DLGAP2: variants seen among roughly 807,000 people sequenced by gnomAD.
The protein encoded by DLGAP2 is disks large-associated protein 2.
A neutral mutation model predicts 100.3 loss-of-function variants in DLGAP2; 26 were observed. That is an observed-to-expected ratio of 0.26 (90% CI 0.19 to 0.36). The LOEUF (loss-of-function observed/expected upper bound fraction) is 0.36. Among genes scored for constraint, DLGAP2 ranks in the 10% least tolerant of loss-of-function variants. The pLI, the probability that DLGAP2 is intolerant of heterozygous loss-of-function variation, is 1.00. For missense variants in DLGAP2, 1,858 were observed against 1,453.2 expected, an observed-to-expected ratio of 1.28 and a Z score of -4.53; for synonymous variants, 886 against 630.1, an observed-to-expected ratio of 1.41 and a Z score of -6.08.
chr8:1,153,953 T>C (rs1276726920), intron 2 of DLGAP2, among the ~76,000 whole-genome samples: 4 of 152,196 alleles, frequency 2.6e-5, no homozygotes, highest in African/African-American at 9.6e-5. Context: ...GGGGGTTTCA[T>C]GTTTGCAGTG....
chr8:1,213,455 A>G (rs189823001), intron 2 of DLGAP2, among the ~76,000 whole-genome samples: 2 of 152,296 alleles, frequency 1.3e-5, no homozygotes, highest in African/African-American at 2.4e-5. Context: ...AATGTCCTTA[A>G]TGTCCCAGAG....
intron 3 of DLGAP2, among the ~76,000 whole-genome samples, chr8:1,475,045 C>A (rs186816793): frequency 6.5e-4 from 99 of 152,320 alleles, no homozygotes; most frequent in African/African-American, 2.3e-3. Context: ...GAATACTACG[C>A]AGCCATCAGG....
chr8:1,129,295 C>T (rs1363796719), intron 2 of DLGAP2, among the ~76,000 whole-genome samples: 3 of 150,804 alleles, frequency 2.0e-5, no homozygotes, highest in Admixed American at 1.3e-4. Context: ...CCCAGCTGCT[C>T]GGGAGGCTGA....
chr8:1,218,696 A>G (rs937423661), intron 2 of DLGAP2, among the ~76,000 whole-genome samples: 21 of 152,274 alleles, frequency 1.4e-4, no homozygotes, highest in African/African-American at 4.8e-4. Flanking sequence ...TAGGAATAGC[A>G]TTGAATCTGT....
intron 10 of DLGAP2, among the ~76,000 whole-genome samples, chr8:1,675,664 G>A (rs568193095): frequency 2.0e-5 from 3 of 152,112 alleles, no homozygotes; most frequent in Non-Finnish European, 2.9e-5. Context: ...TTTTAAGAAG[G>A]GAGAGATTTT....
rs77567247 is a variant in DLGAP2, at chr8:1,174,824, C to G, written c.74-84027C>G. 8.6e-3 allele frequency among the ~76,000 whole-genome samples: 1,307 copies of G among 152,216 alleles called. 12 individuals are homozygous for G. The highest frequency in any genetic ancestry group is 0.012 in the Non-Finnish European group (844 of 68,024). On this transcript the variant is annotated intron_variant, in intron 2 of 14. Coordinates refer to ENST00000637795, the MANE Select transcript of DLGAP2 (RefSeq NM_001346810.2). ...ACCTCCATCATTACCATCATCTAGA[C>G]TATAGCAGCTGAGTTCTGTTTATCT...
chr8:1,289,660 G>A (rs1481661434), intron 3 of DLGAP2, among the ~76,000 whole-genome samples: 1 of 152,126 alleles, frequency 6.6e-6, no homozygotes, highest in Non-Finnish European at 1.5e-5. Flanking sequence ...CCTTTGAGAT[G>A]GATGGTGAAG....
chr8:1,194,107 C>G (rs17065771), intron 2 of DLGAP2, among the ~76,000 whole-genome samples: 1 of 151,628 alleles, frequency 6.6e-6, no homozygotes, highest in East Asian at 2.0e-4. Flanking sequence ...CCAGTTTTGA[C>G]GCTGTGGAAA....
rs903957451 is a variant in DLGAP2 at position 1,126,497 on chromosome 8, T to A, written c.74-132354T>A. On this transcript the variant is annotated intron_variant, in intron 2 of 14. Transcript: ENST00000637795. ...AGGCAAGGCAGGTGAGGGGCTGGGATCTCTCATCGTGCTGTGCGTGGACAG... is the reference window on the plus strand; with the variant it reads ...AGGCAAGGCAGGTGAGGGGCTGGGAACTCTCATCGTGCTGTGCGTGGACAG... Among the ~76,000 whole-genome samples the A allele has an allele frequency of 2.0e-5, 3 of 151,312 alleles. No homozygotes were observed. The South Asian group carries it at 6.3e-4, about 32-fold the overall frequency.
At chr8:986,905 C>G in intron 2 of DLGAP2, among the ~76,000 whole-genome samples, 1 of 152,116 alleles carries the variant, frequency 6.6e-6, no homozygotes, top group East Asian at 1.9e-4. Flanking sequence ...AGTGATCCAC[C>G]CGTCTCGACC....
At chr8:1,011,691 G>A (rs898136786) in intron 2 of DLGAP2, among the ~76,000 whole-genome samples, 1 of 150,496 alleles carries the variant, frequency 6.6e-6, no homozygotes. Flanking sequence ...TATAGAGTGA[G>A]CCCTGGAATG....
At chr8:1,286,589 C>G (rs958060389) in intron 3 of DLGAP2, among the ~76,000 whole-genome samples, 4 of 152,166 alleles carry the variant, frequency 2.6e-5, no homozygotes, top group African/African-American at 7.2e-5. Context: ...CTCTCCATGC[C>G]CATACCCTCC....
In DLGAP2 at chr8:893,719, C is replaced by T. The variant is rs575389014; in HGVS notation, c.19-14193C>T. Among the ~76,000 whole-genome samples, 6 of 152,344 alleles carry T rather than the reference C, an allele frequency of 3.9e-5. No homozygotes were observed. The South Asian group carries it at 8.3e-4, about 21-fold the overall frequency. On this transcript the variant is annotated intron_variant, in intron 1 of 14. Coordinates refer to ENST00000637795, the MANE Select transcript of DLGAP2 (RefSeq NM_001346810.2). ...CAGGTCTATCCAGGACTCTGTTAAC[C>T]GTCGTTCTTTTGGAAAATGTTTGCA...
At chr8:1,007,293 G>T (rs558117785) in intron 2 of DLGAP2, among the ~76,000 whole-genome samples, 1 of 152,326 alleles carries the variant, frequency 6.6e-6, no homozygotes, top group South Asian at 2.1e-4. Flanking sequence ...TTTCCTGGAG[G>T]GGTTTGCTGG....
At chr8:1,339,249 C>T (rs1282043303) in intron 3 of DLGAP2, among the ~76,000 whole-genome samples, 2 of 151,004 alleles carry the variant, frequency 1.3e-5, no homozygotes, top group African/African-American at 4.9e-5. Context: ...AATGCAGTGA[C>T]CTCAGCGAGG....
At chr8:740,525 T>A (rs1193148466) in intron 1 of DLGAP2, among the ~76,000 whole-genome samples, 1 of 152,240 alleles carries the variant, frequency 6.6e-6, no homozygotes, top group Non-Finnish European at 1.5e-5. Flanking sequence ...GTCTACTTAT[T>A]TCAGTTTTGA....
chr8:1,458,147 C>T (rs574405144), intron 3 of DLGAP2, among the ~76,000 whole-genome samples: 14 of 151,426 alleles, frequency 9.2e-5, no homozygotes, highest in African/African-American at 3.4e-4. Context: ...ACCTCGTGAT[C>T]CACCCGCCTC....
intron 2 of DLGAP2, among the ~76,000 whole-genome samples, chr8:996,974 A>G (rs943539148): frequency 2.6e-5 from 4 of 152,226 alleles, no homozygotes; most frequent in Non-Finnish European, 5.9e-5. Flanking sequence ...ATCTGGAGGT[A>G]CATTAATCTT....
chr8:1,340,867 T>C (rs1801401687), intron 3 of DLGAP2, among the ~76,000 whole-genome samples: 1 of 152,058 alleles, frequency 6.6e-6, no homozygotes, highest in African/African-American at 2.4e-5. Context: ...ATAAAGAAAA[T>C]GTGGTATATG....
Sources: gnomAD v4.1 joint callset for allele counts (sites outside exome capture counted in the v4.1 genomes callset) on GRCh38, gnomAD v4.1.1 for gene constraint, MANE v1.5 for transcripts, NCBI Gene and HGNC (gene_info 2026-07-23, HGNC 2026-07-21) for gene names.